PRKD1: variants seen among roughly 807,000 people sequenced by gnomAD.
PRKD1 encodes protein kinase D1.
PRKD1 carries 63 observed loss-of-function variants against 95.9 expected under a neutral mutation model. That is an observed-to-expected ratio of 0.66 (90% CI 0.54 to 0.81). PRKD1 has a LOEUF of 0.81. Among genes scored for constraint, PRKD1 ranks in the 30% least tolerant of loss-of-function variants. PRKD1 has a pLI of 0.00. For missense variants in PRKD1, 1,048 were observed against 1,165.3 expected (o/e 0.90, Z 1.47); for synonymous variants, 425 against 423.1 (o/e 1.00, Z -0.05).
rs1015284678 is a variant in PRKD1 at position 29,794,718 on chromosome 14, T to C, written c.265-69044A>G. Among the ~76,000 whole-genome samples, 6 of 152,004 alleles carry C rather than the reference T, an allele frequency of 3.9e-5. No individual in the cohort carries two copies. The South Asian group carries it at 1.2e-3, about 32-fold the overall frequency. On this transcript the variant is annotated intron_variant, in intron 1 of 17. Coordinates refer to ENST00000331968, the MANE Select transcript of PRKD1 (RefSeq NM_002742.3). Reference sequence around the variant, plus strand: ...TTATAATCCTCCCCCGTGCTCCCTATGTATATGTATCAGTCTGTCTGGTGA... The same window carrying C: ...TTATAATCCTCCCCCGTGCTCCCTACGTATATGTATCAGTCTGTCTGGTGA...
chr14:29,720,985 C>T (rs1412897345), intron 2 of PRKD1, among the ~76,000 whole-genome samples: 1 of 152,166 alleles, frequency 6.6e-6, no homozygotes, highest in African/African-American at 2.4e-5. Context: ...AATGTCATCG[C>T]ACTCTCACAT....
intron 1 of PRKD1, among the ~76,000 whole-genome samples, chr14:29,801,852 C>A (rs749056398): frequency 1.3e-5 from 2 of 152,182 alleles, no homozygotes; most frequent in African/African-American, 4.8e-5. Context: ...ACACACCTGG[C>A]TAATTTTGTA....
chr14:29,778,736 T>C (rs1285512504), intron 1 of PRKD1, among the ~76,000 whole-genome samples: 1 of 152,212 alleles, frequency 6.6e-6, no homozygotes, highest in East Asian at 1.9e-4. Flanking sequence ...CCATTCCTTC[T>C]GAAATGATTC....
intron 1 of PRKD1, among the ~76,000 whole-genome samples, chr14:29,736,143 T>C (rs1169489750): frequency 6.6e-6 from 1 of 152,202 alleles, no homozygotes; most frequent in Non-Finnish European, 1.5e-5. Context: ...AGGTCACACA[T>C]GTGAACGTGG....
Position 29,597,671 on chromosome 14 carries a change from G to C in PRKD1, c.2254C>G (p.Pro752Ala). The C allele has an allele frequency of 1.2e-6, 2 of 1,613,956 alleles. No individual in the cohort carries two copies. Among genetic ancestry groups the C allele is most frequent in the Non-Finnish European group, 1.7e-6 (2 of 1,179,974 alleles). Reference protein sequence around the residue: ...SVVGTPAYLAPEVLRNKGYNR... With the variant: ...SVVGTPAYLAAEVLRNKGYNR... ...TAGCCCTTGTTCCTTAGGACCTCAGGAGCCAGGTAAGCGGGGGTACCCACC... is the reference window on the plus strand; with the variant it reads ...TAGCCCTTGTTCCTTAGGACCTCAGCAGCCAGGTAAGCGGGGGTACCCACC... The change falls in exon 16 of 18, where the codon CCT becomes GCT. Residue 752 changes from proline to alanine, a missense_variant. By Grantham distance (27) the Pro-to-Ala change is conservative (BLOSUM62 -1). Around this residue, in one of 3 missense-constraint regions of PRKD1, gnomAD observed 739 missense variants for 861.9 expected, o/e 0.86. Coordinates refer to ENST00000331968, the MANE Select transcript of PRKD1 (RefSeq NM_002742.3).
intron 1 of PRKD1, among the ~76,000 whole-genome samples, chr14:29,906,716 G>A (rs777266641): frequency 6.6e-6 from 1 of 152,234 alleles, no homozygotes; most frequent in Non-Finnish European, 1.5e-5. Context: ...TTCTTGGCTG[G>A]AGGCCACTCT....
intron 1 of PRKD1, among the ~76,000 whole-genome samples, chr14:29,780,357 C>A (rs1888987771): frequency 6.6e-6 from 1 of 152,174 alleles, no homozygotes; most frequent in African/African-American, 2.4e-5. Context: ...AGGCAACCTA[C>A]AGAATGGGAG....
intron 1 of PRKD1, among the ~76,000 whole-genome samples, chr14:29,793,301 G>A (rs2139199046): frequency 6.6e-6 from 1 of 151,712 alleles, no homozygotes; most frequent in South Asian, 2.1e-4. Context: ...ATGTCCACAG[G>A]AAAAAACAAA....
chr14:29,923,588 T>G (rs1021549809), intron 1 of PRKD1, among the ~76,000 whole-genome samples: 2 of 152,200 alleles, frequency 1.3e-5, no homozygotes, highest in African/African-American at 4.8e-5. Context: ...ACCTTACTTC[T>G]TTAGTGAGCT....
At chr14:29,774,888 T>C (rs916605628) in intron 1 of PRKD1, among the ~76,000 whole-genome samples, 4 of 152,084 alleles carry the variant, frequency 2.6e-5, no homozygotes, top group Non-Finnish European at 1.5e-5. Context: ...ATAATAGTGG[T>C]GCTTTATGAA....
chr14:29,685,441 T>C (rs183467272), intron 2 of PRKD1, among the ~76,000 whole-genome samples: 3 of 152,280 alleles, frequency 2.0e-5, no homozygotes, highest in East Asian at 3.9e-4. Flanking sequence ...AATCTTTATA[T>C]TGGTGAAAAA....
chr14:29,884,231 T>C (rs1893615976), intron 1 of PRKD1, among the ~76,000 whole-genome samples: 2 of 152,190 alleles, frequency 1.3e-5, no homozygotes, highest in Admixed American at 1.3e-4. Context: ...ATACAATTTT[T>C]ACTGGCAAGG....
intron 1 of PRKD1, among the ~76,000 whole-genome samples, chr14:29,782,480 C>A (rs1220295741): frequency 6.6e-6 from 1 of 151,934 alleles, no homozygotes; most frequent in South Asian, 2.1e-4. Context: ...TTTTTTCATT[C>A]TTTTATTAAA....
At chr14:29,906,112 G>A (rs1051023248) in intron 1 of PRKD1, among the ~76,000 whole-genome samples, 47 of 150,706 alleles carry the variant, frequency 3.1e-4, no homozygotes, top group Non-Finnish European at 1.2e-4. Context: ...CAGAAAATAA[G>A]ACAATAAACA....
intron 16 of PRKD1, among the ~76,000 whole-genome samples, chr14:29,594,323 A>T (rs1225204356): frequency 6.6e-6 from 1 of 152,214 alleles, no homozygotes; most frequent in Non-Finnish European, 1.5e-5. Flanking sequence ...AAGAACACTA[A>T]GGAATCCTGC....
chr14:29,734,046 T>C (rs1886593053), intron 1 of PRKD1, among the ~76,000 whole-genome samples: 1 of 127,478 alleles, frequency 7.8e-6, no homozygotes, highest in African/African-American at 3.1e-5. Flanking sequence ...TTTTTTTTTT[T>C]TTTTTTTTTT....
At chr14:29,831,489 G>C (rs368041411) in intron 1 of PRKD1, among the ~76,000 whole-genome samples, 2 of 142,212 alleles carry the variant, frequency 1.4e-5, no homozygotes, top group African/African-American at 5.1e-5. Flanking sequence ...TGTTTTTTGA[G>C]ATGGAGTCTT....
intron 16 of PRKD1, among the ~76,000 whole-genome samples, chr14:29,597,258 T>G (rs901667889): frequency 1.3e-5 from 2 of 152,180 alleles, no homozygotes; most frequent in Non-Finnish European, 2.9e-5. Context: ...TCTAATGAAA[T>G]GTACCAAAAT....
intron 1 of PRKD1, among the ~76,000 whole-genome samples, chr14:29,906,440 A>G (rs953988170): frequency 1.3e-5 from 2 of 152,136 alleles, no homozygotes; most frequent in Non-Finnish European, 2.9e-5. Context: ...TGGGATGCCC[A>G]GGCAGGAAGA....
Sources: gnomAD v4.1 joint callset for allele counts (sites outside exome capture counted in the v4.1 genomes callset) on GRCh38, gnomAD v4.1.1 for gene constraint, gnomAD v4.1.1 regional missense constraint, MANE v1.5 for transcripts, NCBI Gene and HGNC (gene_info 2026-07-23, HGNC 2026-07-21) for gene names.